The following CNTN5 variants were observed in gnomAD, a reference collection of about 807,000 sequenced individuals.
The protein encoded by CNTN5 is contactin-5.
In CNTN5, 77 loss-of-function variants were observed where a neutral mutation model predicts 129.1. The observed-to-expected ratio is 0.60, with a 90% CI of 0.50 to 0.72. CNTN5 has a LOEUF of 0.72. Among genes scored for constraint, CNTN5 ranks in the 30% least tolerant of loss-of-function variants. CNTN5 has a pLI of 0.00. For missense variants in CNTN5, 1,478 were observed against 1,328.8 expected, an observed-to-expected ratio of 1.11 and a Z score of -1.75; for synonymous variants, 509 against 465.6, an observed-to-expected ratio of 1.09 and a Z score of -1.20.
intron 3 of CNTN5, among the ~76,000 whole-genome samples, chr11:99,744,683 G>A (rs569008310): frequency 5.8e-4 from 85 of 145,964 alleles, no homozygotes; most frequent in Non-Finnish European, 1.1e-3. Context: ...TTGTGCCACT[G>A]CACTACAGCC....
intron 21 of CNTN5, among the ~76,000 whole-genome samples, chr11:100,317,793 G>A (rs1951598315): frequency 1.3e-5 from 2 of 151,976 alleles, no homozygotes. Context: ...ATGGCTTCAT[G>A]GTTGAAATTC....
At chr11:99,332,940 T>C (rs1326735943) in intron 2 of CNTN5, among the ~76,000 whole-genome samples, 2 of 152,076 alleles carry the variant, frequency 1.3e-5, no homozygotes, top group Non-Finnish European at 2.9e-5. Context: ...TCTTTTTCCT[T>C]TGTAAATAAA....
At chr11:99,836,539 T>C (rs1470815924) in intron 4 of CNTN5, among the ~76,000 whole-genome samples, 1 of 152,104 alleles carries the variant, frequency 6.6e-6, no homozygotes, top group African/African-American at 2.4e-5. Context: ...ATCCAGTCTA[T>C]CATTGATGGA....
intron 8 of CNTN5, among the ~76,000 whole-genome samples, chr11:99,987,326 A>C (rs1432934949): frequency 3.3e-5 from 5 of 152,070 alleles, no homozygotes; most frequent in Non-Finnish European, 7.4e-5. Flanking sequence ...AAATGCCATT[A>C]GATTGAATAA....
At chr11:99,791,367 G>C (rs1194460762) in intron 3 of CNTN5, among the ~76,000 whole-genome samples, 1 of 152,106 alleles carries the variant, frequency 6.6e-6, no homozygotes, top group East Asian at 1.9e-4. Context: ...CATATGGCTA[G>C]CAGGTTATTC....
At chr11:99,079,441 A>G (rs1010861067) in intron 1 of CNTN5, among the ~76,000 whole-genome samples, 19 of 152,312 alleles carry the variant, frequency 1.2e-4, no homozygotes, top group African/African-American at 4.1e-4. Flanking sequence ...AATGACCATG[A>G]TATCTATCCT....
At chr11:100,194,043 A>G (rs1011104830) in intron 15 of CNTN5, among the ~76,000 whole-genome samples, 1 of 152,028 alleles carries the variant, frequency 6.6e-6, no homozygotes, top group African/African-American at 2.4e-5. Flanking sequence ...CCTCAAGAAC[A>G]GTAATTTTTG....
At chr11:100,115,137 AAAGAAAG>A (rs1447081221) in intron 13 of CNTN5, among the ~76,000 whole-genome samples, 14 of 148,692 alleles carry the variant, frequency 9.4e-5, no homozygotes, top group East Asian at 1.9e-4. Context: ...AAAAAAAAAA[AAAGAAAG>A]AAAGAAAGAG....
chr11:100,189,143 G>A (rs554723047), intron 13 of CNTN5, among the ~76,000 whole-genome samples: 1 of 152,054 alleles, frequency 6.6e-6, no homozygotes, highest in East Asian at 1.9e-4. Flanking sequence ...TCTACCCTGG[G>A]TGACAGGATC....
chr11:99,785,977 T>A (rs764510937), intron 3 of CNTN5, among the ~76,000 whole-genome samples: 3 of 152,000 alleles, frequency 2.0e-5, no homozygotes, highest in Non-Finnish European at 4.4e-5. Context: ...CCACTCCTAT[T>A]CAGCACTGTA....
chr11:99,826,785 G>A (rs1463066411), intron 4 of CNTN5, among the ~76,000 whole-genome samples: 1 of 152,160 alleles, frequency 6.6e-6, no homozygotes, highest in Non-Finnish European at 1.5e-5. Flanking sequence ...TGTGTTAACA[G>A]CAAGCCTCCA....
At chr11:99,856,110 T>G (rs907045406) in intron 6 of CNTN5, among the ~76,000 whole-genome samples, 1 of 152,172 alleles carries the variant, frequency 6.6e-6, no homozygotes, top group Non-Finnish European at 1.5e-5. Context: ...CAGAAGGGCT[T>G]TAGCACCTGT....
Position 99,937,205 on chromosome 11 carries a change from G to A in CNTN5, c.674-19601G>A, listed in dbSNP as rs112068627. 6.4e-3 allele frequency among the ~76,000 whole-genome samples: 969 copies of A among 152,312 alleles called. 9 individuals are homozygous for A. The highest frequency in any genetic ancestry group is 0.051 in the Middle Eastern group (15 of 294). On this transcript the variant is annotated intron_variant, in intron 7 of 24. Transcript: ENST00000524871. The stretch of plus-strand genomic sequence containing the variant: ...TAGAGCATAAAATATAGTAAGCGGT[G>A]TAACTGTAATTAGAATATGCCCATG...
intron 3 of CNTN5, among the ~76,000 whole-genome samples, chr11:99,758,398 C>T (rs1196275541): frequency 6.6e-6 from 1 of 152,002 alleles, no homozygotes; most frequent in African/African-American, 2.4e-5. Context: ...TAACGTATAA[C>T]ATATAAAGCA....
At chr11:99,288,743 A>G (rs1292364823) in intron 1 of CNTN5, among the ~76,000 whole-genome samples, 1 of 151,922 alleles carries the variant, frequency 6.6e-6, no homozygotes, top group Non-Finnish European at 1.5e-5. Flanking sequence ...GGCTCTATGA[A>G]AACAAATTTC....
intron 6 of CNTN5, among the ~76,000 whole-genome samples, chr11:99,850,349 T>C (rs184271454): frequency 2.0e-4 from 30 of 152,240 alleles, no homozygotes; most frequent in Non-Finnish European, 4.0e-4. Flanking sequence ...AAAGCTGATA[T>C]CATCATAGGT....
intron 1 of CNTN5, chr11:99,049,577 T>C (rs1864345760): frequency 6.6e-6 from 1 of 152,122 alleles, no homozygotes; most frequent in Non-Finnish European, 1.5e-5. Flanking sequence ...ATAATAATTT[T>C]TTTCAAATCC....
intron 3 of CNTN5, among the ~76,000 whole-genome samples, chr11:99,645,275 A>G (rs917214361): frequency 6.7e-5 from 10 of 150,368 alleles, no homozygotes; most frequent in Middle Eastern, 3.4e-3. Context: ...AAAAAAAAAA[A>G]AAAAAAAAAA....
chr11:99,251,142 G>A (rs367599159), intron 1 of CNTN5, among the ~76,000 whole-genome samples: 19 of 151,966 alleles, frequency 1.3e-4, no homozygotes, highest in African/African-American at 4.3e-4. Flanking sequence ...GTTCTTCAAA[G>A]CTCTGCATAT....
Sources: allele counts gnomAD v4.1 joint callset (sites outside exome capture counted in the v4.1 genomes callset), GRCh38; gene constraint gnomAD v4.1.1; transcripts MANE v1.5; gene names NCBI Gene and HGNC (gene_info 2026-07-23, HGNC 2026-07-21).